The following MIPEP variants were observed in gnomAD, a reference collection of about 807,000 sequenced individuals.
MIPEP encodes the protein mitochondrial intermediate peptidase.
MIPEP carries 79 observed loss-of-function variants against 90.3 expected under a neutral mutation model. That is an observed-to-expected ratio of 0.87 (90% CI 0.73 to 1.05). MIPEP has a LOEUF of 1.05. MIPEP is among the 50% of genes least tolerant of loss of function. The pLI, the probability that MIPEP is intolerant of heterozygous loss-of-function variation, is 0.00. For synonymous variants in MIPEP, 334 were observed against 315.8 expected, an observed-to-expected ratio of 1.06 and a Z score of -0.61; for missense variants, 940 against 905.6, an observed-to-expected ratio of 1.04 and a Z score of -0.49.
chr13:23,879,552 G>T (rs1742355830), intron 3 of MIPEP, among the ~76,000 whole-genome samples, 198 bp from the exon 4 acceptor site: 1 of 151,388 alleles, frequency 6.6e-6, no homozygotes, highest in African/African-American at 2.4e-5. Context: ...TGGAGACAGG[G>T]TCTCACTCTG....
chr13:23,768,412 A>C (rs1327750958), intron 16 of MIPEP, among the ~76,000 whole-genome samples: 1 of 152,206 alleles, frequency 6.6e-6, no homozygotes, highest in African/African-American at 2.4e-5. Context: ...TATGTTAAGT[A>C]AATACTATAG....
intron 4 of MIPEP, among the ~76,000 whole-genome samples, chr13:23,876,873 C>CT (rs1292642206): frequency 3.9e-5 from 6 of 152,152 alleles, no homozygotes; most frequent in Admixed American, 3.9e-4. Flanking sequence ...AATCAATCTA[C>CT]TTTTTTACCC....
chr13:23,734,789 G>A (rs535356668), intron 18 of MIPEP, among the ~76,000 whole-genome samples: 56 of 152,176 alleles, frequency 3.7e-4, no homozygotes, highest in African/African-American at 1.3e-3. Flanking sequence ...TCTAACAGCA[G>A]TTAGTGCGGC....
intron 10 of MIPEP, among the ~76,000 whole-genome samples, chr13:23,842,032 T>C (rs1170800337): frequency 6.6e-6 from 1 of 152,022 alleles, no homozygotes; most frequent in Non-Finnish European, 1.5e-5. Context: ...ATATCTTAAA[T>C]TAAAGACAAC....
At chr13:23,794,647 T>C (rs1196645174) in intron 16 of MIPEP, among the ~76,000 whole-genome samples, 1 of 152,136 alleles carries the variant, frequency 6.6e-6, no homozygotes, top group African/African-American at 2.4e-5. Flanking sequence ...ATCTAGCTTG[T>C]CAAATTGCAG....
At chr13:23,880,893 G>A (rs1725166975) in intron 3 of MIPEP, among the ~76,000 whole-genome samples, 1 of 152,260 alleles carries the variant, frequency 6.6e-6, no homozygotes, top group African/African-American at 2.4e-5. Context: ...ATATGAAATT[G>A]TCTTATCGTG....
At chr13:23,816,225 C>T (rs1304675923) in intron 14 of MIPEP, among the ~76,000 whole-genome samples, 1 of 152,118 alleles carries the variant, frequency 6.6e-6, no homozygotes, top group Non-Finnish European at 1.5e-5. Context: ...AGTTATTATG[C>T]CATCAAATAT....
intron 10 of MIPEP, among the ~76,000 whole-genome samples, chr13:23,845,311 T>C (rs927625508): frequency 9.9e-5 from 15 of 152,132 alleles, no homozygotes; most frequent in African/African-American, 3.6e-4. Context: ...TCCTGTTGTG[T>C]TGTACATGAG....
At chr13:23,853,094 A>C (rs929556692) in intron 10 of MIPEP, among the ~76,000 whole-genome samples, 2 of 152,222 alleles carry the variant, frequency 1.3e-5, no homozygotes, top group Non-Finnish European at 2.9e-5. Flanking sequence ...TTAAAAACTA[A>C]AAAGTTTATA....
At chr13:23,835,696 G>A (rs1433860794) in intron 14 of MIPEP, among the ~76,000 whole-genome samples, 1 of 152,090 alleles carries the variant, frequency 6.6e-6, no homozygotes, top group Non-Finnish European at 1.5e-5. Context: ...TTAGTGTAAG[G>A]TACCTCACAT....
At chr13:23,754,565 G>C (rs1044009852) in intron 18 of MIPEP, among the ~76,000 whole-genome samples, 1 of 152,204 alleles carries the variant, frequency 6.6e-6, no homozygotes, top group African/African-American at 2.4e-5. Context: ...ATAAAGAACA[G>C]AATTTTTGAG....
At chr13:23,868,831 G>A (rs914844521) in intron 7 of MIPEP, among the ~76,000 whole-genome samples, 2 of 152,112 alleles carry the variant, frequency 1.3e-5, no homozygotes, top group Non-Finnish European at 2.9e-5. Context: ...ACACACTTCC[G>A]TAACACCTCA....
intron 16 of MIPEP, among the ~76,000 whole-genome samples, chr13:23,775,159 T>G (rs1422699150): frequency 7.3e-6 from 1 of 136,930 alleles, no homozygotes. Context: ...GTGTGTGTAT[T>G]CCTTAGGATT....
intron 18 of MIPEP, among the ~76,000 whole-genome samples, chr13:23,733,594 G>A (rs1293772835): frequency 6.6e-6 from 1 of 152,216 alleles, no homozygotes; most frequent in African/African-American, 2.4e-5. Flanking sequence ...AGGTGCAGAT[G>A]TGATCATCCC....
intron 1 of MIPEP, among the ~76,000 whole-genome samples, chr13:23,887,111 G>GA (rs1871526530): frequency 6.6e-6 from 1 of 152,172 alleles, no homozygotes; most frequent in African/African-American, 2.4e-5. Context: ...AGTTGACTAT[G>GA]AAGCAATAGA....
chr13:23,737,214 C>T (rs1398385643), intron 18 of MIPEP, among the ~76,000 whole-genome samples: 1 of 152,228 alleles, frequency 6.6e-6, no homozygotes, highest in African/African-American at 2.4e-5. Context: ...GTGGCTTCGT[C>T]TCACAGGGCC....
intron 4 of MIPEP, among the ~76,000 whole-genome samples, chr13:23,875,132 C>T (rs1871014644): frequency 6.6e-6 from 1 of 151,644 alleles, no homozygotes; most frequent in Admixed American, 6.6e-5. Flanking sequence ...ACCTATCTGA[C>T]TGACAATTAT....
chr13:23,752,650 G>A (rs1952453627), intron 18 of MIPEP, among the ~76,000 whole-genome samples: 1 of 152,158 alleles, frequency 6.6e-6, no homozygotes, highest in Non-Finnish European at 1.5e-5. Context: ...CATTGTGGGG[G>A]TATGAGATGA....
chr13:23,858,904 C>A lies in MIPEP; in HGVS notation c.1062G>T (p.Met354Ile). Residue 354 changes from methionine (M) to isoleucine (I), a missense_variant, in exon 10 of 19, where the codon ATG becomes ATT. Transcript: ENST00000382172. ...MKLNPQNSEV[M>I]PWDPPYYSGV... The stretch of plus-strand genomic sequence containing the variant: ...CACTGTAGTAAGGGGGGTCCCAGGG[C>A]ATTACTTCCTACAATGGAATAATTC... 6.2e-7 allele frequency: 1 copy of A among 1,613,196 alleles called. No homozygotes were observed. The highest frequency in any genetic ancestry group is 8.5e-7 in the Non-Finnish European group (1 of 1,179,444).
Sources: allele counts gnomAD v4.1 joint callset (sites outside exome capture counted in the v4.1 genomes callset), GRCh38; gene constraint gnomAD v4.1.1; transcripts MANE v1.5; gene names NCBI Gene and HGNC (gene_info 2026-07-23, HGNC 2026-07-21).